Variants in UBA5 observed in about 807,000 individuals in gnomAD.
UBA5 encodes the protein ubiquitin like modifier activating enzyme 5.
In UBA5, 28 loss-of-function variants were observed where a neutral mutation model predicts 52.9. That is an observed-to-expected ratio of 0.53 (90% CI 0.39 to 0.73). The LOEUF (loss-of-function observed/expected upper bound fraction) is 0.73, where lower values mean the gene tolerates loss of function less well. UBA5 is among the 30% of genes least tolerant of loss of function. UBA5 has a pLI of 0.00. For synonymous variants in UBA5, 135 were observed against 162.1 expected (o/e 0.83, Z 1.27); for missense variants, 388 against 492.7 (o/e 0.79, Z 2.01).
chr3:132,657,002 T>C (rs1331609822), upstream of UBA5, among the ~76,000 whole-genome samples: 1 of 152,182 alleles, frequency 6.6e-6, no homozygotes, highest in Non-Finnish European at 1.5e-5. Context: ...TTCTGTCTTT[T>C]CACTTTAAGT....
chr3:132,672,232 T>C, intron 8 of UBA5, 55 bp downstream of exon 8: 1 of 1,552,056 alleles, frequency 6.4e-7, no homozygotes, highest in Non-Finnish European at 8.7e-7. Flanking sequence ...TAAACATAAA[T>C]ATATTTCACA....
chr3:132,657,838 A>T (rs1314105527), upstream of UBA5, among the ~76,000 whole-genome samples: 1 of 149,876 alleles, frequency 6.7e-6, no homozygotes, highest in Non-Finnish European at 1.5e-5. Flanking sequence ...CTTCTGTTAA[A>T]CTTTTGGTAT....
chr3:132,672,588 AT>A (rs540546244), intron 8 of UBA5, among the ~76,000 whole-genome samples: 88 of 152,296 alleles, frequency 5.8e-4, no homozygotes, highest in African/African-American at 2.1e-3. Flanking sequence ...TACTATCTTG[AT>A]TTAAGTCTTA....
intron 1 of UBA5, 152 bp from the exon 2 acceptor site, chr3:132,665,671 C>T (rs1313184740): frequency 1.5e-6 from 1 of 688,602 alleles, no homozygotes; most frequent in East Asian, 2.8e-5. Context: ...TTAGTTTCAT[C>T]TGGTAAAAAC....
chr3:132,662,253 G>A (rs1371455268), intron 1 of UBA5, among the ~76,000 whole-genome samples: 2 of 152,130 alleles, frequency 1.3e-5, no homozygotes, highest in Non-Finnish European at 2.9e-5. Flanking sequence ...ACTGATATAT[G>A]GAATTTTAAT....
chr3:132,678,642 A>ATATT lies in UBA5; in HGVS notation c.*2134_*2137dup, dbSNP rs952754524. Reference sequence around the variant, plus strand: ...CAAAAAACGTAATGGCCACTTAAGAATATTTATTTATTTATTTATTTTTTT... The same window carrying ATATT: ...CAAAAAACGTAATGGCCACTTAAGAATATTTATTTATTTATTTATTTATTTTTTT... On this transcript the variant is annotated 3_prime_UTR_variant, in exon 12 of 12. Transcript: ENST00000356232. 1.1e-4 allele frequency among the ~76,000 whole-genome samples: 16 copies of ATATT among 152,108 alleles called. No homozygotes were observed. The highest frequency in any genetic ancestry group is 5.8e-4 in the East Asian group (3 of 5,174).
intron 1 of UBA5, among the ~76,000 whole-genome samples, chr3:132,663,825 T>C (rs1170195039): frequency 1.3e-5 from 2 of 152,120 alleles, no homozygotes; most frequent in Non-Finnish European, 2.9e-5. Flanking sequence ...CCCTAAATTA[T>C]CATTAGTATC....
At chr3:132,667,094 A>C (rs1938408202) in intron 3 of UBA5, among the ~76,000 whole-genome samples, 2 of 152,172 alleles carry the variant, frequency 1.3e-5, no homozygotes, top group South Asian at 4.1e-4. Context: ...TGCTAGGATT[A>C]CACCAGTAAG....
intron 1 of UBA5, among the ~76,000 whole-genome samples, chr3:132,663,764 G>T (rs947189231): frequency 6.6e-6 from 1 of 152,188 alleles, no homozygotes; most frequent in Admixed American, 6.5e-5. Context: ...CTTCTAACAT[G>T]AAAGAAATAA....
At position 132,676,541 on chromosome 3, in the gene UBA5, T is replaced by G; in HGVS notation, c.*15T>G. The G allele has an allele frequency of 6.4e-7, 1 of 1,572,316 alleles. No homozygotes were observed. The highest frequency in any genetic ancestry group is 8.6e-7 in the Non-Finnish European group (1 of 1,158,034). ...AGAATATGTAGATAATGGACTGGGA[T>G]ATATTGTATTTCTCATGTTAAAGCC... On this transcript the variant is annotated 3_prime_UTR_variant, in exon 12 of 12. Coordinates refer to ENST00000356232, the MANE Select transcript of UBA5 (RefSeq NM_024818.6). This position sits in a 1 kb window ranked among gnomAD's most constrained non-coding sequence, Gnocchi z 4.1.
intron 1 of UBA5, 32 bp from the exon 2 acceptor site, chr3:132,665,791 A>G (rs1938352140): frequency 6.2e-7 from 1 of 1,604,928 alleles, no homozygotes. Context: ...AAAAGACTGT[A>G]AGCTTTAAAA....
chr3:132,678,713 G>C lies in UBA5; in HGVS notation c.*2187G>C, dbSNP rs190257204. Reference sequence around the variant, plus strand: ...TGCCCAGGCTGGAGTGCAGTGGCACGATCTCAGCTCACCACATCCTCCGCC... The same window carrying C: ...TGCCCAGGCTGGAGTGCAGTGGCACCATCTCAGCTCACCACATCCTCCGCC... On this transcript the variant is annotated 3_prime_UTR_variant, in exon 12 of 12. Coordinates refer to ENST00000356232, the MANE Select transcript of UBA5 (RefSeq NM_024818.6). Among the ~76,000 whole-genome samples the C allele has an allele frequency of 1.3e-4, 20 of 152,054 alleles. No individual in the cohort carries two copies. The highest frequency in any genetic ancestry group is 7.9e-4 in the Admixed American group (12 of 15,268).
rs1450064689 is a variant in UBA5 at position 132,670,954 on chromosome 3, T to G, written c.495-11T>G. ...GTCCTGATGTTTTTCAAACTTATTTTCTTTGACTAGTAATGGTGGGTTAGA... is the reference window on the plus strand; with the variant it reads ...GTCCTGATGTTTTTCAAACTTATTTGCTTTGACTAGTAATGGTGGGTTAGA... On this transcript the variant is annotated splice_polypyrimidine_tract_variant and intron_variant, in intron 5 of 11. Transcript: ENST00000356232. 2 of 1,610,670 alleles carry G rather than the reference T, an allele frequency of 1.2e-6. No homozygotes were observed. Among genetic ancestry groups the G allele is most frequent in the East Asian group, 2.2e-5 (1 of 44,726 alleles).
chr3:132,674,880 G>A (rs1174672507), intron 8 of UBA5, among the ~76,000 whole-genome samples: 1 of 152,126 alleles, frequency 6.6e-6, no homozygotes, highest in Non-Finnish European at 1.5e-5. Context: ...TTATCTCAGG[G>A]ATTTAAAAAA....
chr3:132,665,391 A>G (rs979271938), intron 1 of UBA5, among the ~76,000 whole-genome samples: 5 of 152,228 alleles, frequency 3.3e-5, no homozygotes, highest in African/African-American at 1.2e-4. Context: ...GTGCTTACTA[A>G]AAGTATACAT....
At chr3:132,665,429 G>A (rs917296730) in intron 1 of UBA5, among the ~76,000 whole-genome samples, 2 of 152,106 alleles carry the variant, frequency 1.3e-5, no homozygotes, top group Admixed American at 1.3e-4. Flanking sequence ...GGCAACAAGA[G>A]AATGGAATTC....
At chr3:132,657,721 A>G (rs1276757480), upstream of UBA5, among the ~76,000 whole-genome samples, 1 of 152,204 alleles carries the variant, frequency 6.6e-6, no homozygotes, top group Non-Finnish European at 1.5e-5. Flanking sequence ...AGAGAAATGC[A>G]GTTGATTTCT....
At position 132,665,859 on chromosome 3, in the gene UBA5, C is replaced by T. The variant is rs1278412978; in HGVS notation, c.198C>T (p.Ser66=). Residue 66 remains serine, a synonymous_variant, in exon 2 of 12, where the codon AGC becomes AGT. Transcript: ENST00000356232. The part of the protein sequence containing the change: ...LMALKRMGIV[S]DYEKIRTFAV... The stretch of plus-strand genomic sequence containing the variant: ...CATTGAAACGAATGGGAATTGTAAG[C>T]GACTATGAGGTATGATAAACCCTTT... 2 of 1,613,334 alleles carry T rather than the reference C, an allele frequency of 1.2e-6. No homozygotes were observed. Among genetic ancestry groups the T allele is most frequent in the East Asian group, 2.2e-5 (1 of 44,854 alleles).
In UBA5 at chr3:132,660,636, A is replaced by T. The variant is rs1938103113; in HGVS notation, c.99A>T (p.Gly33=). ...TGCAGGTCCCGAGGAGCGGCGACGG[A>T]GGGGGCGGCCGGGTCCGCATCGAGA... ...RSLQVPRSGD[G]GGGRVRIEKM... Residue 33 remains glycine (G), a synonymous_variant, in exon 1 of 12, where the codon GGA becomes GGT. Coordinates refer to ENST00000356232, the MANE Select transcript of UBA5 (RefSeq NM_024818.6). The surrounding 1 kb of genome is among the most constrained non-coding windows in gnomAD (Gnocchi z 4.1). The T allele has an allele frequency of 6.4e-7, 1 of 1,569,564 alleles. No individual in the cohort carries two copies. The highest frequency in any genetic ancestry group is 1.4e-5 in the African/African-American group (1 of 73,748).
Sources: allele counts gnomAD v4.1 joint callset (sites outside exome capture counted in the v4.1 genomes callset), GRCh38; gene constraint gnomAD v4.1.1; non-coding constraint Gnocchi (gnomAD v3.1); transcripts MANE v1.5; gene names NCBI Gene and HGNC (gene_info 2026-07-23, HGNC 2026-07-21).